CTNND2: variants seen among roughly 807,000 people sequenced by gnomAD.
CTNND2 encodes catenin delta-2.
A neutral mutation model predicts 144.4 loss-of-function variants in CTNND2; 22 were observed. The ratio of observed to expected loss-of-function variants is 0.15; its 90% CI spans 0.11 to 0.22. The LOEUF is 0.22. Among genes scored for constraint, CTNND2 ranks in the 10% least tolerant of loss-of-function variants. CTNND2 has a pLI of 1.00. For missense variants in CTNND2, 1,353 were observed against 1,618.8 expected, an observed-to-expected ratio of 0.84 and a Z score of 2.82; for synonymous variants, 751 against 695.6, an observed-to-expected ratio of 1.08 and a Z score of -1.25.
At chr5:11,590,273 G>C (rs745752614) in intron 2 of CTNND2, among the ~76,000 whole-genome samples, 6 of 152,048 alleles carry the variant, frequency 3.9e-5, no homozygotes, top group Non-Finnish European at 7.4e-5. Context: ...TTGATCTCCT[G>C]ACCTCGTGAT....
intron 3 of CTNND2, among the ~76,000 whole-genome samples, chr5:11,489,542 A>C (rs1769189442): frequency 6.6e-6 from 1 of 152,208 alleles, no homozygotes; most frequent in African/African-American, 2.4e-5. Flanking sequence ...AAAAAACGTG[A>C]CTAGAGGAGC....
At chr5:11,081,020 T>C (rs1030852972) in intron 16 of CTNND2, among the ~76,000 whole-genome samples, 1 of 151,512 alleles carries the variant, frequency 6.6e-6, no homozygotes, top group Non-Finnish European at 1.5e-5. Context: ...GAGGTTGCAG[T>C]AAGTCAAGAT....
chr5:11,545,125 A>C (rs1451475275), intron 3 of CTNND2, among the ~76,000 whole-genome samples: 2 of 149,496 alleles, frequency 1.3e-5, no homozygotes, highest in East Asian at 2.0e-4. Flanking sequence ...CGTCTCAAAA[A>C]AAAAAAAAAA....
intron 1 of CTNND2, among the ~76,000 whole-genome samples, chr5:11,781,850 A>G (rs990707131): frequency 3.9e-5 from 6 of 152,206 alleles, no homozygotes; most frequent in Non-Finnish European, 8.8e-5. Context: ...AACTACCTGT[A>G]AATGCACTAC....
chr5:11,528,635 C>A (rs903781200), intron 3 of CTNND2, among the ~76,000 whole-genome samples: 1 of 152,214 alleles, frequency 6.6e-6, no homozygotes, highest in African/African-American at 2.4e-5. Context: ...CAGCTTCACA[C>A]TGGTGCCAAG....
intron 3 of CTNND2, among the ~76,000 whole-genome samples, chr5:11,551,189 C>A (rs565320258): frequency 6.6e-6 from 1 of 152,234 alleles, no homozygotes; most frequent in Admixed American, 6.5e-5. Context: ...CCATCCTTAC[C>A]CAACACCAGT....
At chr5:11,076,004 T>C (rs1340055649) in intron 16 of CTNND2, among the ~76,000 whole-genome samples, 4 of 152,236 alleles carry the variant, frequency 2.6e-5, no homozygotes, top group South Asian at 2.1e-4. Flanking sequence ...AGCAACTACA[T>C]ACCGAGTTCT....
At chr5:11,415,466 T>C (rs1468028800) in intron 3 of CTNND2, among the ~76,000 whole-genome samples, 1 of 151,914 alleles carries the variant, frequency 6.6e-6, no homozygotes, top group African/African-American at 2.4e-5. Context: ...ATTAGCAAGG[T>C]TTGTTGGTGC....
At chr5:11,196,770 A>T (rs1006068328) in intron 11 of CTNND2, among the ~76,000 whole-genome samples, 4 of 152,084 alleles carry the variant, frequency 2.6e-5, no homozygotes, top group African/African-American at 9.7e-5. Flanking sequence ...ACTCCTGACC[A>T]TTCAGAGCAG....
chr5:11,519,885 T>A (rs2150038187), intron 3 of CTNND2, among the ~76,000 whole-genome samples: 1 of 152,088 alleles, frequency 6.6e-6, no homozygotes, highest in East Asian at 1.9e-4. Flanking sequence ...ATGCCTATAA[T>A]CTCAGCACTT....
intron 14 of CTNND2, among the ~76,000 whole-genome samples, chr5:11,100,387 G>A (rs77208112): frequency 6.6e-6 from 1 of 152,140 alleles, no homozygotes; most frequent in African/African-American, 2.4e-5. Context: ...AGATGACTTT[G>A]CACCTGTGAA....
chr5:11,697,528 T>C (rs1412823372), intron 2 of CTNND2, among the ~76,000 whole-genome samples: 1 of 152,174 alleles, frequency 6.6e-6, no homozygotes, highest in African/African-American at 2.4e-5. Flanking sequence ...ATCACTAAAA[T>C]AGGGATTTCC....
chr5:11,069,774 G>A (rs575575178), intron 16 of CTNND2, among the ~76,000 whole-genome samples: 20 of 152,238 alleles, frequency 1.3e-4, no homozygotes, highest in African/African-American at 4.1e-4. Flanking sequence ...AATAGTATAC[G>A]GAGTATAGAG....
intron 9 of CTNND2, among the ~76,000 whole-genome samples, chr5:11,256,485 C>T (rs1744264800): frequency 6.6e-6 from 1 of 152,156 alleles, no homozygotes; most frequent in Non-Finnish European, 1.5e-5. Context: ...CTAAGTTTAA[C>T]TCATCATTAT....
At chr5:11,454,656 G>A (rs1240080104) in intron 3 of CTNND2, among the ~76,000 whole-genome samples, 1 of 151,498 alleles carries the variant, frequency 6.6e-6, no homozygotes, top group Non-Finnish European at 1.5e-5. Context: ...CAGTGCAGTG[G>A]CACGATCTCA....
At chr5:11,440,741 A>C (rs986214276) in intron 3 of CTNND2, among the ~76,000 whole-genome samples, 1 of 152,212 alleles carries the variant, frequency 6.6e-6, no homozygotes, top group Non-Finnish European at 1.5e-5. Flanking sequence ...AGTTATGACA[A>C]GGTAGTTTTA....
chr5:11,053,470 C>A (rs1580151798), intron 16 of CTNND2, among the ~76,000 whole-genome samples: 1 of 152,272 alleles, frequency 6.6e-6, no homozygotes, highest in Non-Finnish European at 1.5e-5. Flanking sequence ...TACATTTTCC[C>A]TGAGATTTTT....
At chr5:11,722,031 T>C (rs1786720105) in intron 2 of CTNND2, among the ~76,000 whole-genome samples, 1 of 152,214 alleles carries the variant, frequency 6.6e-6, no homozygotes, top group Admixed American at 6.5e-5. Context: ...ACAATTCCCC[T>C]GTTTACTTCG....
chr5:11,082,355 G>A (rs1440651907), intron 16 of CTNND2, among the ~76,000 whole-genome samples: 1 of 152,202 alleles, frequency 6.6e-6, no homozygotes, highest in Non-Finnish European at 1.5e-5. Flanking sequence ...GGGAAGAAAA[G>A]TAATCCTATC....
Sources: allele counts gnomAD v4.1 joint callset (sites outside exome capture counted in the v4.1 genomes callset), GRCh38; gene constraint gnomAD v4.1.1; transcripts MANE v1.5; gene names NCBI Gene and HGNC (gene_info 2026-07-23, HGNC 2026-07-21).